The following TENM2 variants were observed in gnomAD, a reference collection of about 807,000 sequenced individuals.
The protein encoded by TENM2 is teneurin transmembrane protein 2.
A neutral mutation model predicts 245.2 loss-of-function variants in TENM2; 52 were observed. The observed-to-expected ratio is 0.21, with a 90% CI of 0.17 to 0.27. The LOEUF is 0.27. TENM2 is among the 10% of genes least tolerant of loss of function. The pLI is 1.00. For synonymous variants in TENM2, 1,363 were observed against 1,438.9 expected (o/e 0.95, Z 1.19); for missense variants, 3,046 against 3,666.8 (o/e 0.83, Z 4.37).
intron 2 of TENM2, among the ~76,000 whole-genome samples, chr5:167,596,973 T>G (rs545230928): frequency 6.6e-6 from 1 of 152,096 alleles, no homozygotes; most frequent in East Asian, 1.9e-4. Context: ...TAGGGGACAG[T>G]TCAGAGCCTG....
chr5:167,305,404 G>A (rs1755611392), intron 1 of TENM2, among the ~76,000 whole-genome samples: 1 of 152,108 alleles, frequency 6.6e-6, no homozygotes, highest in Non-Finnish European at 1.5e-5. Flanking sequence ...TTTACTCAGT[G>A]GCTAACGAAA....
the TENM2 span, among the ~76,000 whole-genome samples, chr5:167,051,990 G>C: frequency 6.6e-6 from 1 of 152,080 alleles, no homozygotes; most frequent in Non-Finnish European, 1.5e-5. Context: ...TTTTGAATTT[G>C]AGTGGATATC....
At chr5:167,170,258 C>G in the TENM2 span, among the ~76,000 whole-genome samples, 14 of 152,144 alleles carry the variant, frequency 9.2e-5, no homozygotes, top group African/African-American at 3.4e-4. Flanking sequence ...GAGCTGTTAC[C>G]TCTATTCTAA....
chr5:167,096,230 A>G, the TENM2 span, among the ~76,000 whole-genome samples: 8 of 152,240 alleles, frequency 5.3e-5, no homozygotes, highest in Non-Finnish European at 1.0e-4. Context: ...TACTACATCT[A>G]TCACCTCACA....
chr5:167,222,206 C>G, the TENM2 span, among the ~76,000 whole-genome samples: 3 of 152,086 alleles, frequency 2.0e-5, no homozygotes, highest in Non-Finnish European at 2.9e-5. Flanking sequence ...CAGGATGATC[C>G]CTCTGCACAG....
At chr5:168,097,344 A>G (rs767414639) in intron 8 of TENM2, among the ~76,000 whole-genome samples, 5 of 152,122 alleles carry the variant, frequency 3.3e-5, no homozygotes, top group Admixed American at 2.0e-4. Flanking sequence ...GTGTTTAAAA[A>G]CTTGTCAACA....
At chr5:167,534,452 C>A (rs927113540) in intron 2 of TENM2, among the ~76,000 whole-genome samples, 1 of 152,118 alleles carries the variant, frequency 6.6e-6, no homozygotes, top group African/African-American at 2.4e-5. Context: ...ACAGGAGAGC[C>A]AGTTAAATTT....
rs1424284942 is a variant in TENM2, at chr5:167,663,182, G to GAGAGAA, written c.503-212798_503-212793dup. 9.2e-4 allele frequency among the ~76,000 whole-genome samples: 127 copies of GAGAGAA among 137,518 alleles called. 1 individual carries two copies. Among genetic ancestry groups the GAGAGAA allele is most frequent in the African/African-American group, 2.5e-3 (84 of 34,020 alleles). The allele number at this position is 137,518 out of a possible 152,430, so 90.2% of individuals were successfully genotyped here. A position where few individuals can be genotyped will look rare whatever the true frequency, so the allele number is the denominator to read the frequency against. On this transcript the variant is annotated intron_variant, in intron 2 of 28. Coordinates refer to ENST00000518659, the Ensembl canonical transcript of TENM2. ...AGAGAGAGAGAGAGAGAGAGAGAGA[G>GAGAGAA]AGAGAAAGAGAGAGAATGAATGCCT...
chr5:167,050,888 T>C, the TENM2 span, among the ~76,000 whole-genome samples: 30 of 152,270 alleles, frequency 2.0e-4, no homozygotes, highest in East Asian at 4.4e-3. Flanking sequence ...CTGAACCTAA[T>C]GTATCACACA....
intron 2 of TENM2, among the ~76,000 whole-genome samples, chr5:167,572,690 G>A (rs1774352934): frequency 6.6e-6 from 1 of 152,180 alleles, no homozygotes; most frequent in Admixed American, 6.5e-5. Flanking sequence ...GAGATGAGTA[G>A]AAATGGAACA....
intron 2 of TENM2, among the ~76,000 whole-genome samples, chr5:167,537,150 G>A (rs1212297186): frequency 1.3e-5 from 2 of 150,758 alleles, no homozygotes; most frequent in Middle Eastern, 3.4e-3. Context: ...GGTGGATCAT[G>A]CCTGTAATCA....
chr5:167,509,519 G>C (rs1368683464), intron 2 of TENM2, among the ~76,000 whole-genome samples: 1 of 152,036 alleles, frequency 6.6e-6, no homozygotes, highest in East Asian at 1.9e-4. Flanking sequence ...ACTTTTGTTC[G>C]ATTATTTCTT....
the TENM2 span, among the ~76,000 whole-genome samples, chr5:167,265,852 GA>G: frequency 4.6e-5 from 7 of 151,788 alleles, no homozygotes; most frequent in Admixed American, 4.6e-4. Context: ...CATATTTTTG[GA>G]AAAAATATTA....
intron 2 of TENM2, among the ~76,000 whole-genome samples, chr5:167,462,585 A>C: frequency 6.6e-6 from 1 of 151,976 alleles, no homozygotes; most frequent in East Asian, 2.0e-4. Context: ...TGGAAAGGGG[A>C]TGGAGTGGGA....
intron 2 of TENM2, among the ~76,000 whole-genome samples, chr5:167,451,470 A>G (rs2127475223): frequency 6.6e-6 from 1 of 152,278 alleles, no homozygotes; most frequent in African/African-American, 2.4e-5. Flanking sequence ...TGGGTGAAGG[A>G]CCAGTTTCTG....
At chr5:167,154,598 T>C in the TENM2 span, among the ~76,000 whole-genome samples, 8 of 152,302 alleles carry the variant, frequency 5.3e-5, no homozygotes, top group South Asian at 1.4e-3. Context: ...TCAAAAACAA[T>C]AGAAGACAAA....
chr5:167,175,346 C>A, the TENM2 span, among the ~76,000 whole-genome samples: 3 of 152,172 alleles, frequency 2.0e-5, no homozygotes, highest in African/African-American at 7.2e-5. Flanking sequence ...TTTCAGATGG[C>A]CAGTGGTAAC....
At chr5:168,238,286 AAAGAAAAG>A (rs1272196809) in intron 25 of TENM2, among the ~76,000 whole-genome samples, 3 of 150,360 alleles carry the variant, frequency 2.0e-5, no homozygotes, top group Non-Finnish European at 1.5e-5. Context: ...AAAGAAAAGA[AAAGAAAAG>A]AAAAGAAAAA....
At chr5:166,993,356 A>G in the TENM2 span, among the ~76,000 whole-genome samples, 2 of 152,202 alleles carry the variant, frequency 1.3e-5, no homozygotes. Context: ...GCAGATTCTC[A>G]GAAGGATAAA....
Sources: gnomAD v4.1 joint callset for allele counts (sites outside exome capture counted in the v4.1 genomes callset) on GRCh38, gnomAD v4.1.1 for gene constraint, MANE v1.5 for transcripts, NCBI Gene and HGNC (gene_info 2026-07-23, HGNC 2026-07-21) for gene names.